DOCK1: variants seen among roughly 807,000 people sequenced by gnomAD.
The protein encoded by DOCK1 is dedicator of cytokinesis 1, also known as dedicator of cytokinesis protein 1.
In DOCK1, 138 loss-of-function variants were observed where a neutral mutation model predicts 262.7. That is an observed-to-expected ratio of 0.53 (90% CI 0.46 to 0.61). The LOEUF is 0.61. Ranked by LOEUF, DOCK1 falls within the 20% of genes least tolerant of loss-of-function variation. DOCK1 has a pLI of 0.00. For missense variants in DOCK1, 1,908 were observed against 2,370.7 expected, an observed-to-expected ratio of 0.80 and a Z score of 4.05; for synonymous variants, 866 against 867.4, an observed-to-expected ratio of 1.00 and a Z score of 0.03.
intron 27 of DOCK1, among the ~76,000 whole-genome samples, chr10:127,178,714 G>C (rs1428252604): frequency 1.3e-5 from 2 of 152,212 alleles, no homozygotes; most frequent in African/African-American, 4.8e-5. Context: ...GGCAGTTTTA[G>C]AGAGGAGAGA....
intron 27 of DOCK1, among the ~76,000 whole-genome samples, chr10:127,183,232 A>G (rs905720178): frequency 2.0e-5 from 3 of 152,044 alleles, no homozygotes; most frequent in African/African-American, 7.2e-5. Flanking sequence ...AGGATACCCT[A>G]TTGGGACAAT....
chr10:127,005,654 A>C (rs555481809), intron 10 of DOCK1, among the ~76,000 whole-genome samples: 1 of 152,246 alleles, frequency 6.6e-6, no homozygotes, highest in East Asian at 1.9e-4. Flanking sequence ...AATAATGGAA[A>C]TTTTATGGAA....
At chr10:127,107,511 A>T (rs1230409327) in intron 24 of DOCK1, among the ~76,000 whole-genome samples, 1 of 152,162 alleles carries the variant, frequency 6.6e-6, no homozygotes, top group Non-Finnish European at 1.5e-5. Context: ...CAGGTCCTAC[A>T]TGAGAAAAGG....
chr10:127,331,683 A>G (rs1198369079), intron 29 of DOCK1, among the ~76,000 whole-genome samples: 1 of 152,166 alleles, frequency 6.6e-6, no homozygotes, highest in Admixed American at 6.5e-5. Flanking sequence ...CTCAATATTT[A>G]TCCAAAATAA....
intron 29 of DOCK1, among the ~76,000 whole-genome samples, chr10:127,336,762 A>G (rs1032191032): frequency 2.0e-5 from 3 of 152,028 alleles, no homozygotes; most frequent in Non-Finnish European, 4.4e-5. Flanking sequence ...GATGGTCTCA[A>G]TCTCCTGACC....
chr10:127,051,705 C>T (rs1001285167), intron 21 of DOCK1, among the ~76,000 whole-genome samples: 4 of 152,158 alleles, frequency 2.6e-5, no homozygotes, highest in Admixed American at 6.5e-5. Flanking sequence ...GCCTCAGCCT[C>T]TTGAGTAGCT....
intron 14 of DOCK1, 22 bp downstream of exon 14, chr10:127,023,346 C>T (rs746421139): frequency 6.2e-7 from 1 of 1,612,646 alleles, no homozygotes; most frequent in South Asian, 1.1e-5. Flanking sequence ...GGCGAGGGCT[C>T]ATCTGTAGTG....
chr10:126,986,641 G>A (rs145729652), intron 4 of DOCK1, among the ~76,000 whole-genome samples: 1,765 of 152,324 alleles, frequency 0.012, 48 homozygotes, highest in African/African-American at 0.04. Flanking sequence ...TGGGCGCGGT[G>A]GCTCATGCCT....
intron 46 of DOCK1, among the ~76,000 whole-genome samples, chr10:127,420,517 G>T (rs2068438254): frequency 6.6e-6 from 1 of 152,102 alleles, no homozygotes; most frequent in Non-Finnish European, 1.5e-5. Context: ...CCGAGATCTT[G>T]CCACACTGTG....
intron 27 of DOCK1, among the ~76,000 whole-genome samples, chr10:127,216,548 A>T (rs10829596): frequency 0.41 from 61,642 of 151,804 alleles, 12,785 homozygotes; most frequent in East Asian, 0.58. Flanking sequence ...GGGCTGGGCA[A>T]CCTCACCTTT....
intron 1 of DOCK1, among the ~76,000 whole-genome samples, chr10:126,951,587 T>A (rs1398973874): frequency 2.0e-5 from 3 of 148,610 alleles, no homozygotes; most frequent in Non-Finnish European, 3.0e-5. Flanking sequence ...GTGGTAGTAT[T>A]GTTGGTAGTG....
At chr10:127,148,123 G>T (rs2052093995) in intron 27 of DOCK1, among the ~76,000 whole-genome samples, 1 of 151,546 alleles carries the variant, frequency 6.6e-6, no homozygotes, top group Admixed American at 6.6e-5. Context: ...ACACAGCAAT[G>T]CGTTTCACAA....
chr10:127,195,845 C>A (rs2057092600), intron 27 of DOCK1, among the ~76,000 whole-genome samples: 1 of 152,200 alleles, frequency 6.6e-6, no homozygotes, highest in Non-Finnish European at 1.5e-5. Context: ...GGTGTCCCGG[C>A]CCCGGGAGCC....
intron 2 of DOCK1, among the ~76,000 whole-genome samples, chr10:126,973,169 C>T (rs148065326): frequency 6.6e-6 from 1 of 151,684 alleles, no homozygotes; most frequent in Non-Finnish European, 1.5e-5. Context: ...TCCTGTGGCC[C>T]CTGGGCCTGT....
At chr10:127,353,142 A>G (rs749976344) in intron 31 of DOCK1, among the ~76,000 whole-genome samples, 2 of 152,146 alleles carry the variant, frequency 1.3e-5, no homozygotes, top group East Asian at 1.9e-4. Context: ...CCACCTGCAC[A>G]TCGAGAACCT....
chr10:127,236,418 C>T (rs890668426), intron 27 of DOCK1, among the ~76,000 whole-genome samples: 2 of 143,368 alleles, frequency 1.4e-5, no homozygotes, highest in African/African-American at 5.1e-5. Context: ...TCCTTCCCTT[C>T]CTTCCTTGGT....
At chr10:127,291,757 A>G (rs757282404) in intron 29 of DOCK1, among the ~76,000 whole-genome samples, 1 of 152,184 alleles carries the variant, frequency 6.6e-6, no homozygotes, top group Non-Finnish European at 1.5e-5. Context: ...CTGGCTGTGT[A>G]CTGTTTATTA....
At chr10:126,942,575 G>T (rs1412209329) in intron 1 of DOCK1, among the ~76,000 whole-genome samples, 2 of 152,138 alleles carry the variant, frequency 1.3e-5, no homozygotes, top group South Asian at 2.1e-4. Context: ...TTTGCAGGAA[G>T]TTTCCTTAAT....
At chr10:127,134,989 G>A (rs1402478056) in intron 27 of DOCK1, among the ~76,000 whole-genome samples, 1 of 152,184 alleles carries the variant, frequency 6.6e-6, no homozygotes, top group Non-Finnish European at 1.5e-5. Flanking sequence ...GAAGGAGGCG[G>A]CTGATCCCTT....
Sources: allele counts gnomAD v4.1 joint callset (sites outside exome capture counted in the v4.1 genomes callset), GRCh38; gene constraint gnomAD v4.1.1; transcripts MANE v1.5; gene names NCBI Gene and HGNC (gene_info 2026-07-23, HGNC 2026-07-21).